The following CACNA2D3 variants were observed in gnomAD, a reference collection of about 807,000 sequenced individuals.
The protein encoded by CACNA2D3 is calcium voltage-gated channel auxiliary subunit alpha2delta 3, also known as voltage-dependent calcium channel subunit alpha-2/delta-3.
A neutral mutation model predicts 160.6 loss-of-function variants in CACNA2D3; 60 were observed. The observed-to-expected ratio is 0.37, with a 90% CI of 0.30 to 0.46. The LOEUF is 0.46. Among genes scored for constraint, CACNA2D3 ranks in the 20% least tolerant of loss-of-function variants. The probability of loss-of-function intolerance (pLI) is 1.00; values close to 1 mark genes in which losing one functional copy is unlikely to be tolerated. For missense variants in CACNA2D3, 1,205 were observed against 1,365.0 expected (o/e 0.88, Z 1.85); for synonymous variants, 558 against 492.9 (o/e 1.13, Z -1.75).
chr3:54,131,726 A>G (rs917295631), intron 2 of CACNA2D3, among the ~76,000 whole-genome samples: 8 of 152,274 alleles, frequency 5.3e-5, no homozygotes, highest in African/African-American at 1.9e-4. Flanking sequence ...CACAATGACA[A>G]ATGCATTTAT....
intron 3 of CACNA2D3, among the ~76,000 whole-genome samples, chr3:54,383,238 T>C (rs1240632541): frequency 6.6e-6 from 1 of 152,220 alleles, no homozygotes; most frequent in African/African-American, 2.4e-5. Flanking sequence ...ATTACTGTCC[T>C]TTGTTCTTTC....
chr3:54,817,238 A>G (rs951263379), intron 14 of CACNA2D3, among the ~76,000 whole-genome samples: 8 of 152,222 alleles, frequency 5.3e-5, no homozygotes, highest in African/African-American at 1.9e-4. Context: ...ATAATTAGTA[A>G]GGCGTGGTAA....
chr3:54,415,689 T>C (rs1699742711), intron 4 of CACNA2D3, among the ~76,000 whole-genome samples: 1 of 152,200 alleles, frequency 6.6e-6, no homozygotes. Context: ...TTTATTCTTC[T>C]CCCTATAATC....
intron 2 of CACNA2D3, among the ~76,000 whole-genome samples, chr3:54,307,940 A>G (rs1173466158): frequency 1.3e-5 from 2 of 152,244 alleles, no homozygotes; most frequent in Non-Finnish European, 2.9e-5. Flanking sequence ...AAGTCAGACA[A>G]AAGGTCTAAG....
intron 35 of CACNA2D3, among the ~76,000 whole-genome samples, chr3:55,049,551 G>T (rs1704140535): frequency 7.0e-6 from 1 of 143,004 alleles, no homozygotes; most frequent in Non-Finnish European, 1.5e-5. Context: ...AATAGGTGTG[G>T]TGTGGTGCTG....
intron 3 of CACNA2D3, among the ~76,000 whole-genome samples, chr3:54,350,707 C>T (rs1698536834): frequency 6.6e-6 from 1 of 152,130 alleles, no homozygotes; most frequent in Non-Finnish European, 1.5e-5. Context: ...GGCAAATGCT[C>T]CACAAGAGTG....
At chr3:55,021,092 T>A (rs185268234) in intron 35 of CACNA2D3, among the ~76,000 whole-genome samples, 2 of 152,278 alleles carry the variant, frequency 1.3e-5, no homozygotes, top group East Asian at 3.9e-4. Context: ...GAAGGCTTTG[T>A]AAAACTTATA....
At chr3:54,800,162 C>G (rs901290128) in intron 13 of CACNA2D3, among the ~76,000 whole-genome samples, 4 of 152,148 alleles carry the variant, frequency 2.6e-5, no homozygotes, top group Admixed American at 6.5e-5. Flanking sequence ...TGGATATTTC[C>G]AAAATGAATG....
intron 28 of CACNA2D3, among the ~76,000 whole-genome samples, chr3:54,968,932 C>T (rs999248369): frequency 6.6e-6 from 1 of 152,176 alleles, no homozygotes; most frequent in African/African-American, 2.4e-5. Flanking sequence ...TCTTTGTTCA[C>T]AGGGTCTACC....
In CACNA2D3 at chr3:54,176,510, G is replaced by T. The variant is rs147893314; in HGVS notation, c.204+52916G>T. Among the ~76,000 whole-genome samples the T allele has an allele frequency of 2.6e-4, 40 of 152,228 alleles. No homozygotes were observed. The East Asian group carries it at 7.5e-3, about 29-fold the overall frequency. ...TGCATTTTATAATGTTTTAATTCAC[G>T]TGTGCTCCTACTAAAGCTGATACTG... On this transcript the variant is annotated intron_variant, in intron 2 of 37. Transcript: ENST00000474759.
At chr3:54,232,453 C>G (rs1357646714) in intron 2 of CACNA2D3, among the ~76,000 whole-genome samples, 1 of 152,160 alleles carries the variant, frequency 6.6e-6, no homozygotes, top group Non-Finnish European at 1.5e-5. Context: ...GGGCTAAGAA[C>G]CTCATGTGCA....
chr3:55,023,054 TGAGA>T (rs1703494585), intron 35 of CACNA2D3, among the ~76,000 whole-genome samples: 1 of 152,170 alleles, frequency 6.6e-6, no homozygotes, highest in Non-Finnish European at 1.5e-5. Flanking sequence ...AAGAATGATC[TGAGA>T]GTGATAAATT....
intron 4 of CACNA2D3, among the ~76,000 whole-genome samples, chr3:54,478,652 A>ATGTG (rs765126053): frequency 0.025 from 1,910 of 77,044 alleles, 142 homozygotes; most frequent in East Asian, 0.14. Flanking sequence ...ATATATAAAT[A>ATGTG]TGTGTGTGTA....
intron 13 of CACNA2D3, among the ~76,000 whole-genome samples, chr3:54,775,043 AC>A (rs1702401604): frequency 5.9e-5 from 9 of 152,214 alleles, no homozygotes; most frequent in Non-Finnish European, 2.9e-5. Context: ...AACTTTCATT[AC>A]ATTTATAAAC....
intron 27 of CACNA2D3, among the ~76,000 whole-genome samples, chr3:54,963,704 T>A (rs948727614): frequency 5.9e-5 from 9 of 152,166 alleles, no homozygotes; most frequent in African/African-American, 2.2e-4. Context: ...GCTCTGGGGA[T>A]GCTGAAGTGT....
At chr3:54,535,875 G>T (rs1305214432) in intron 5 of CACNA2D3, among the ~76,000 whole-genome samples, 1 of 152,206 alleles carries the variant, frequency 6.6e-6, no homozygotes, top group East Asian at 1.9e-4. Context: ...TGGTCAATTT[G>T]TCAGTGTCAG....
At chr3:54,695,747 T>C (rs576005904) in intron 11 of CACNA2D3, among the ~76,000 whole-genome samples, 1 of 152,364 alleles carries the variant, frequency 6.6e-6, no homozygotes, top group Non-Finnish European at 1.5e-5. Flanking sequence ...TTGCCTCCAC[T>C]TTTGTTTTAA....
chr3:54,809,571 G>T (rs1439376453), intron 13 of CACNA2D3, among the ~76,000 whole-genome samples: 1 of 140,558 alleles, frequency 7.1e-6, no homozygotes, highest in Non-Finnish European at 1.5e-5. Context: ...ACCCGCCTCG[G>T]CCTCCCAAAG....
intron 35 of CACNA2D3, among the ~76,000 whole-genome samples, chr3:55,023,252 G>A (rs1196128264): frequency 2.0e-5 from 3 of 152,052 alleles, no homozygotes; most frequent in Admixed American, 6.5e-5. Context: ...AGTCTCTCTC[G>A]AATGTTCTGA....
Sources: gnomAD v4.1 joint callset for allele counts (sites outside exome capture counted in the v4.1 genomes callset) on GRCh38, gnomAD v4.1.1 for gene constraint, MANE v1.5 for transcripts, NCBI Gene and HGNC (gene_info 2026-07-23, HGNC 2026-07-21) for gene names.